NELL1: variants seen among roughly 807,000 people sequenced by gnomAD.
The protein encoded by NELL1 is neural EGFL like 1.
Under a neutral mutation model 107.4 loss-of-function variants are expected in NELL1, and 76 were observed. The ratio of observed to expected loss-of-function variants is 0.71; its 90% CI spans 0.59 to 0.86. The LOEUF (loss-of-function observed/expected upper bound fraction) is 0.86, where lower values mean the gene tolerates loss of function less well. Among genes scored for constraint, NELL1 ranks in the 40% least tolerant of loss-of-function variants. The probability of loss-of-function intolerance (pLI) is 0.00; values close to 1 mark genes in which losing one functional copy is unlikely to be tolerated. For missense variants in NELL1, 1,024 were observed against 1,005.5 expected, an observed-to-expected ratio of 1.02 and a Z score of -0.25; for synonymous variants, 353 against 341.2, an observed-to-expected ratio of 1.03 and a Z score of -0.38.
At chr11:21,381,404 T>C (rs1851603722) in intron 15 of NELL1, among the ~76,000 whole-genome samples, 1 of 152,004 alleles carries the variant, frequency 6.6e-6, no homozygotes, top group Admixed American at 6.6e-5. Context: ...TTAACGTTTC[T>C]AAGTGTCGGT....
intron 5 of NELL1, among the ~76,000 whole-genome samples, chr11:20,903,466 A>C (rs1213111513): frequency 6.6e-6 from 1 of 152,094 alleles, no homozygotes; most frequent in South Asian, 2.1e-4. Context: ...AGTAGGGTCT[A>C]AGAACTGACA....
intron 4 of NELL1, among the ~76,000 whole-genome samples, chr11:20,870,128 T>C (rs1590365517): frequency 6.6e-6 from 1 of 152,146 alleles, no homozygotes; most frequent in Non-Finnish European, 1.5e-5. Context: ...TCAACATAAA[T>C]AGGTAAGTAG....
chr11:20,787,112 C>T (rs1207103647), intron 3 of NELL1, among the ~76,000 whole-genome samples: 1 of 151,024 alleles, frequency 6.6e-6, no homozygotes, highest in African/African-American at 2.4e-5. Flanking sequence ...ACCTCAGATC[C>T]TGACTGCTAA....
chr11:20,674,826 T>C (rs1348400121), intron 1 of NELL1, among the ~76,000 whole-genome samples: 1 of 152,216 alleles, frequency 6.6e-6, no homozygotes, highest in Non-Finnish European at 1.5e-5. Context: ...GCCCAATTAA[T>C]TGCAGGGCTC....
chr11:20,684,671 T>C (rs1349962808), intron 2 of NELL1, among the ~76,000 whole-genome samples: 1 of 152,160 alleles, frequency 6.6e-6, no homozygotes, highest in African/African-American at 2.4e-5. Context: ...TCTTTGGTAC[T>C]GAGCTTTTGT....
At chr11:20,745,922 C>T (rs140900980) in intron 2 of NELL1, among the ~76,000 whole-genome samples, 1 of 152,304 alleles carries the variant, frequency 6.6e-6, no homozygotes, top group East Asian at 1.9e-4. Flanking sequence ...TTCTGCTTCT[C>T]TGTGCTGGAC....
chr11:21,336,135 C>T (rs1385918061), intron 14 of NELL1, among the ~76,000 whole-genome samples: 1 of 151,822 alleles, frequency 6.6e-6, no homozygotes, highest in Non-Finnish European at 1.5e-5. Flanking sequence ...TTTTCGTAAA[C>T]TTTCTCAGGC....
intron 14 of NELL1, among the ~76,000 whole-genome samples, chr11:21,355,745 C>A (rs1850917846): frequency 2.6e-5 from 4 of 152,150 alleles, no homozygotes; most frequent in Admixed American, 2.6e-4. Context: ...TTCATTTCTA[C>A]ATTCTGGAGA....
intron 12 of NELL1, among the ~76,000 whole-genome samples, chr11:21,035,747 G>A (rs1853076258): frequency 6.6e-6 from 1 of 152,116 alleles, no homozygotes; most frequent in South Asian, 2.1e-4. Context: ...AATGATAGGA[G>A]CCATCTATGA....
intron 5 of NELL1, among the ~76,000 whole-genome samples, chr11:20,895,914 A>G (rs1473958612): frequency 6.6e-6 from 1 of 152,092 alleles, no homozygotes; most frequent in Non-Finnish European, 1.5e-5. Flanking sequence ...TTGGCTGAAT[A>G]GTATTTCATT....
intron 14 of NELL1, among the ~76,000 whole-genome samples, chr11:21,234,028 A>G (rs946066866): frequency 3.3e-5 from 5 of 152,210 alleles, no homozygotes; most frequent in African/African-American, 9.6e-5. Context: ...TTCCAACCCA[A>G]CGGAACATTT....
chr11:21,374,887 CTGTGTGTGTGTGTGTG>C (rs10566953), intron 15 of NELL1, among the ~76,000 whole-genome samples: 31 of 143,848 alleles, frequency 2.2e-4, no homozygotes, highest in African/African-American at 5.2e-4. Flanking sequence ...CTGTGTGTGT[CTGTGTGTGTGTGTGTG>C]TGTGTGTGTG....
At chr11:20,871,312 C>T (rs1295085024) in intron 4 of NELL1, among the ~76,000 whole-genome samples, 1 of 152,156 alleles carries the variant, frequency 6.6e-6, no homozygotes, top group East Asian at 1.9e-4. Flanking sequence ...GTGTATCTGG[C>T]TGGGACACAT....
At chr11:21,467,785 G>A (rs943799357) in intron 15 of NELL1, among the ~76,000 whole-genome samples, 7 of 152,148 alleles carry the variant, frequency 4.6e-5, no homozygotes, top group East Asian at 1.9e-4. Context: ...GTGATTAGAT[G>A]GTGAACCGCT....
At chr11:21,164,427 A>G (rs531666398) in intron 13 of NELL1, among the ~76,000 whole-genome samples, 15 of 152,276 alleles carry the variant, frequency 9.9e-5, no homozygotes, top group Middle Eastern at 6.8e-3. Context: ...CAACAAGCTA[A>G]TCTTAGACTT....
chr11:20,868,208 G>C (rs757888750), intron 4 of NELL1, among the ~76,000 whole-genome samples: 1 of 152,188 alleles, frequency 6.6e-6, no homozygotes. Context: ...AGGCATGTTA[G>C]AGGTGGGATT....
At chr11:20,787,850 T>C (rs1397355733) in intron 3 of NELL1, among the ~76,000 whole-genome samples, 2 of 152,330 alleles carry the variant, frequency 1.3e-5, no homozygotes, top group African/African-American at 4.8e-5. Flanking sequence ...CTTTTAGCTG[T>C]CACCCACAAT....
At chr11:21,337,831 T>TTG (rs1850463845) in intron 14 of NELL1, among the ~76,000 whole-genome samples, 2 of 64,712 alleles carry the variant, frequency 3.1e-5, no homozygotes, top group Non-Finnish European at 7.4e-5. Context: ...TTTCTTTCTT[T>TTG]CTTTCTTTTC....
chr11:20,814,419 A>G (rs186250502), intron 3 of NELL1, among the ~76,000 whole-genome samples: 1 of 152,324 alleles, frequency 6.6e-6, no homozygotes, highest in African/African-American at 2.4e-5. Context: ...CACAGTACCT[A>G]CTAGGAAGTT....
Sources: gnomAD v4.1 joint callset for allele counts (sites outside exome capture counted in the v4.1 genomes callset) on GRCh38, gnomAD v4.1.1 for gene constraint, MANE v1.5 for transcripts, NCBI Gene and HGNC (gene_info 2026-07-23, HGNC 2026-07-21) for gene names.